Variants in NCAPH2 observed in about 807,000 individuals in gnomAD.
The protein encoded by NCAPH2 is condensin-2 complex subunit H2.
A neutral mutation model predicts 88.6 loss-of-function variants in NCAPH2; 56 were observed. The ratio of observed to expected loss-of-function variants is 0.63; its 90% confidence interval spans 0.51 to 0.79. The LOEUF is 0.79. NCAPH2 is among the 30% of genes least tolerant of loss of function. NCAPH2 has a pLI of 0.00. For missense variants in NCAPH2, 794 were observed against 792.0 expected (o/e 1.00, Z -0.03); for synonymous variants, 378 against 313.6 (o/e 1.21, Z -2.17).
At position 50,523,732 on chromosome 22, in the gene NCAPH2, G is replaced by A. The variant is rs2069191733; in HGVS notation, c.*357G>A. 4 of 1,614,216 alleles carry A rather than the reference G, an allele frequency of 2.5e-6. No homozygotes were observed. The highest frequency in any genetic ancestry group is 2.2e-5 in the East Asian group (1 of 44,884). On this transcript the variant is annotated 3_prime_UTR_variant, in exon 20 of 20. Coordinates refer to ENST00000420993, the MANE Select transcript of NCAPH2 (RefSeq NM_152299.4). The stretch of plus-strand genomic sequence containing the variant: ...GCCGTCAGGGTTGAGCAGGTAGATG[G>A]CAATGGAGTGGTCCACGATGTAGTC...
In NCAPH2 at chr22:50,508,225, C is replaced by A; in HGVS notation, c.-113C>A. 1 of 785,346 alleles carries A rather than the reference C, an allele frequency of 1.3e-6. No individual in the cohort carries two copies. The highest frequency in any genetic ancestry group is 1.9e-6 in the Non-Finnish European group (1 of 518,376). 48.6% of individuals were successfully genotyped at this position (785,346 alleles called of 1,614,324 possible). On this transcript the variant is annotated 5_prime_UTR_variant, in exon 1 of 20. Transcript: ENST00000420993. The stretch of plus-strand genomic sequence containing the variant: ...ACATGCGCGCGACGCCGCGCCTACG[C>A]ATTTTCCTGGGCGGGAACAGCAAAA...
intron 1 of NCAPH2, among the ~76,000 whole-genome samples, chr22:50,509,655 C>T (rs1443397265): frequency 6.6e-6 from 1 of 152,198 alleles, no homozygotes. Flanking sequence ...ATTCGTGCTC[C>T]AACCAGCAGC....
rs527620692 is a variant in NCAPH2 at position 50,510,851 on chromosome 22, T to A, written c.108+2406T>A. ...GAATGTTTATCATAAACCATTTAAA[T>A]TTTTTTTTTTTTTGAGATGGAGTCT... On this transcript the variant is annotated intron_variant, in intron 1 of 19. Transcript: ENST00000420993. 3.1e-3 allele frequency among the ~76,000 whole-genome samples: 410 copies of A among 133,392 alleles called. 5 individuals are homozygous for A. Among genetic ancestry groups the A allele is most frequent in the African/African-American group, 1.0e-2 (391 of 39,258 alleles). 87.5% of individuals were successfully genotyped at this position (133,392 alleles called of 152,430 possible). A position where few individuals can be genotyped will look rare whatever the true frequency, so the allele number is the denominator to read the frequency against.
In NCAPH2 at chr22:50,524,529, A is replaced by G. The variant is rs1297611171; in HGVS notation, c.*1154A>G. ...GCCACCCATCTGAAGGACCCAGCCC[A>G]CGTTCAGGCTTAACAGGCATTTGCA... On this transcript the variant is annotated 3_prime_UTR_variant, in exon 20 of 20. Coordinates refer to ENST00000420993, the MANE Select transcript of NCAPH2 (RefSeq NM_152299.4). The G allele has an allele frequency of 2.9e-6, 3 of 1,018,712 alleles. No homozygotes were observed. The allele number at this position is 1,018,712 out of a possible 1,614,324, so 63.1% of individuals were successfully genotyped here. A position where few individuals can be genotyped will look rare whatever the true frequency, so the allele number is the denominator to read the frequency against.
rs1206953761 is a variant in NCAPH2, at chr22:50,519,415, G to A, written c.861+95G>A. On this transcript the variant is annotated intron_variant, in intron 9 of 19. Coordinates refer to ENST00000420993, the MANE Select transcript of NCAPH2 (RefSeq NM_152299.4). ...CCTTGCACAAGGAGGACAGTGGTAT[G>A]GCCTTGGCCCCAGACCACTGGTCTG... 4.6e-5 allele frequency: 70 copies of A among 1,525,656 alleles called. No homozygotes were observed. The South Asian group carries it at 7.5e-4, about 16-fold the overall frequency. 94.5% of individuals were successfully genotyped at this position (1,525,656 alleles called of 1,614,324 possible). A position where few individuals can be genotyped will look rare whatever the true frequency, so the allele number is the denominator to read the frequency against.
At position 50,519,182 on chromosome 22, in the gene NCAPH2, C is replaced by T; in HGVS notation, c.731-8C>T. ...TTGGAGCTGATCACTCTCTTGCTCC[C>T]TGCCTAGGCCCCTCTCCAGAAGGCC... On this transcript the variant is annotated splice_polypyrimidine_tract_variant and splice_region_variant and intron_variant, in intron 8 of 19. Transcript: ENST00000420993. 6.2e-7 allele frequency: 1 copy of T among 1,602,616 alleles called. No homozygotes were observed. The highest frequency in any genetic ancestry group is 8.5e-7 in the Non-Finnish European group (1 of 1,175,758).
intron 1 of NCAPH2, among the ~76,000 whole-genome samples, chr22:50,511,577 C>T (rs1246353402): frequency 1.4e-5 from 2 of 142,844 alleles, no homozygotes; most frequent in African/African-American, 3.0e-5. Flanking sequence ...AGGCCTGAGC[C>T]ACCGCGTCCG....
intron 1 of NCAPH2, among the ~76,000 whole-genome samples, chr22:50,515,203 G>T (rs1051170552): frequency 2.0e-5 from 3 of 152,192 alleles, no homozygotes; most frequent in South Asian, 4.1e-4. Context: ...ACAGCTGGGG[G>T]TCGGTGTTCC....
Position 50,515,783 on chromosome 22 carries a change from T to C in NCAPH2, c.109-664T>C, listed in dbSNP as rs183242642. On this transcript the variant is annotated intron_variant, in intron 1 of 19. Transcript: ENST00000420993. ...GTTGGGGAAGATGTTGGGTAAAGTA[T>C]GGAAGTAAAGTGTTTGGGGACATTT... 3.5e-5 allele frequency: 46 copies of C among 1,301,246 alleles called. No individual in the cohort carries two copies. The East Asian group carries it at 1.1e-3, about 30-fold the overall frequency. The allele number at this position is 1,301,246 out of a possible 1,614,324, so 80.6% of individuals were successfully genotyped here. A position where few individuals can be genotyped will look rare whatever the true frequency, so the allele number is the denominator to read the frequency against.
At chr22:50,523,191 G>C in intron 19 of NCAPH2, 25 bp downstream of exon 19, 2 of 1,613,752 alleles carry the variant, frequency 1.2e-6, no homozygotes, top group Non-Finnish European at 1.7e-6. Context: ...ATACGTGGGA[G>C]GGGGAGACGG....
In NCAPH2 at chr22:50,522,833, G is replaced by A. The variant is rs771488808; in HGVS notation, c.1438G>A (p.Ala480Thr). ...LVRRNVELFI[A>T]TSQKFVQETE... The stretch of plus-strand genomic sequence containing the variant: ...GATCCTCCCCTAGGAGCTCTTCATC[G>A]CCACCTCCCAGAAGTTTGTCCAGGA... Residue 480 changes from alanine (A) to threonine (T), a missense_variant, in exon 18 of 20, where the codon GCC becomes ACC. Coordinates refer to ENST00000420993, the MANE Select transcript of NCAPH2 (RefSeq NM_152299.4). 1.4e-5 allele frequency: 22 copies of A among 1,613,136 alleles called. No homozygotes were observed. Among genetic ancestry groups the A allele is most frequent in the South Asian group, 7.7e-5 (7 of 91,080 alleles).
chr22:50,518,171 G>A lies in NCAPH2; in HGVS notation c.539G>A (p.Arg180Lys). 2 of 1,614,152 alleles carry A rather than the reference G, an allele frequency of 1.2e-6. No homozygotes were observed. Among genetic ancestry groups the A allele is most frequent in the Non-Finnish European group, 1.7e-6 (2 of 1,180,034 alleles). The change falls in exon 7 of 20, where the codon AGG becomes AAG. Residue 180 changes from arginine to lysine, a missense_variant. By Grantham distance (26) the Arg-to-Lys change is conservative. Transcript: ENST00000420993. ...GTCCTGGCCAGCCGGAAGGATTTCAGGATGAACACGTGCGTTCCCCACCCC... is the reference window on the plus strand; with the variant it reads ...GTCCTGGCCAGCCGGAAGGATTTCAAGATGAACACGTGCGTTCCCCACCCC... The part of the protein sequence containing the change: ...GEVLASRKDF[R>K]MNTCVPHPRG...
chr22:50,511,948 C>A (rs2068795880), intron 1 of NCAPH2, among the ~76,000 whole-genome samples: 1 of 152,128 alleles, frequency 6.6e-6, no homozygotes, highest in South Asian at 2.1e-4. Context: ...TGCCTGGCCC[C>A]AGCTAATTTT....
At chr22:50,508,729 G>A (rs764024188) in intron 1 of NCAPH2, among the ~76,000 whole-genome samples, 2 of 152,254 alleles carry the variant, frequency 1.3e-5, no homozygotes, top group Non-Finnish European at 2.9e-5. Flanking sequence ...TAACGTAGTG[G>A]AATAGACTAG....
At position 50,521,004 on chromosome 22, in the gene NCAPH2, G is replaced by T; in HGVS notation, c.901G>T (p.Glu301Ter). The change falls in exon 10 of 20, where the codon GAG becomes TAG. Residue 301 changes from glutamate (E) to a stop codon, truncating the protein, a stop_gained. Coordinates refer to ENST00000420993, the MANE Select transcript of NCAPH2 (RefSeq NM_152299.4). LOFTEE classifies it high-confidence loss of function. ...LPRRYMLRER[E>*]GAPEPASCVK... ...CAGGAGGTACATGCTGCGGGAGCGG[G>T]AGGGGGCCCCAGAGCCTGCATCCTG... The T allele has an allele frequency of 6.4e-7, 1 of 1,550,968 alleles. No homozygotes were observed. The highest frequency in any genetic ancestry group is 8.7e-7 in the Non-Finnish European group (1 of 1,146,958).
At position 50,523,801 on chromosome 22, in the gene NCAPH2, CTG is replaced by C. The variant is rs1182676302; in HGVS notation, c.*429_*430del. The C allele has an allele frequency of 5.0e-6, 8 of 1,614,022 alleles. No individual in the cohort carries two copies. The highest frequency in any genetic ancestry group is 1.3e-5 in the African/African-American group (1 of 74,924). On this transcript the variant is annotated 3_prime_UTR_variant, in exon 20 of 20. Coordinates refer to ENST00000420993, the MANE Select transcript of NCAPH2 (RefSeq NM_152299.4). Reference sequence around the variant, plus strand: ...GCCTGCATTGTAGTACACGCGGTAACTGTGACTAGCCTGGGCAACCTGTTTGG... The same window carrying C: ...GCCTGCATTGTAGTACACGCGGTAACTGACTAGCCTGGGCAACCTGTTTGG...
intron 1 of NCAPH2, among the ~76,000 whole-genome samples, chr22:50,510,512 C>T (rs752818039): frequency 8.5e-5 from 13 of 152,102 alleles, no homozygotes; most frequent in Non-Finnish European, 1.6e-4. Context: ...ACTGCAACCT[C>T]CGACTCCCAG....
At chr22:50,512,912 T>C (rs183034508) in intron 1 of NCAPH2, among the ~76,000 whole-genome samples, 26 of 152,280 alleles carry the variant, frequency 1.7e-4, no homozygotes, top group Admixed American at 7.2e-4. Flanking sequence ...TTGTTGTTAG[T>C]TGTGAATTGT....
At position 50,516,438 on chromosome 22, in the gene NCAPH2, T is replaced by C. The variant is rs1450299837; in HGVS notation, c.109-9T>C. ...TGGATTCCCCCTGTCTTTGTGTTGTTTCTTGCAGCTGGATCAGATCTGCAT... is the reference window on the plus strand; with the variant it reads ...TGGATTCCCCCTGTCTTTGTGTTGTCTCTTGCAGCTGGATCAGATCTGCAT... On this transcript the variant is annotated splice_polypyrimidine_tract_variant and intron_variant, in intron 1 of 19. Transcript: ENST00000420993. 8 of 1,613,772 alleles carry C rather than the reference T, an allele frequency of 5.0e-6. No homozygotes were observed. Among genetic ancestry groups the C allele is most frequent in the Non-Finnish European group, 6.8e-6 (8 of 1,179,780 alleles).
Sources: gnomAD v4.1 joint callset for allele counts (sites outside exome capture counted in the v4.1 genomes callset) on GRCh38, gnomAD v4.1.1 for gene constraint, MANE v1.5 for transcripts, NCBI Gene and HGNC (gene_info 2026-07-23, HGNC 2026-07-21) for gene names.